Variants in SLCO3A1 observed in about 807,000 individuals in gnomAD.
SLCO3A1 encodes the protein solute carrier organic anion transporter family member 3A1, also known as PGE1 transporter.
Under a neutral mutation model 63.1 loss-of-function variants are expected in SLCO3A1, and 27 were observed. The observed-to-expected ratio is 0.43, with a 90% CI of 0.32 to 0.59. The LOEUF is 0.59. Among genes scored for constraint, SLCO3A1 ranks in the 20% least tolerant of loss-of-function variants. The probability of loss-of-function intolerance (pLI) is 0.09; values close to 1 mark genes in which losing one functional copy is unlikely to be tolerated. For missense variants in SLCO3A1, 773 were observed against 945.8 expected, an observed-to-expected ratio of 0.82 and a Z score of 2.40; for synonymous variants, 473 against 409.9, an observed-to-expected ratio of 1.15 and a Z score of -1.86.
intron 4 of SLCO3A1, among the ~76,000 whole-genome samples, chr15:92,107,599 T>A (rs2047681472): frequency 6.6e-6 from 1 of 152,208 alleles, no homozygotes; most frequent in African/African-American, 2.4e-5. Flanking sequence ...CTGACATTGC[T>A]CCTAAAACCC....
chr15:91,946,619 T>C (rs1899815712), intron 2 of SLCO3A1, among the ~76,000 whole-genome samples: 2 of 152,192 alleles, frequency 1.3e-5, no homozygotes, highest in South Asian at 2.1e-4. Flanking sequence ...AGTGAAAAAA[T>C]AGGACTTCGT....
chr15:91,911,053 G>T (rs1232371452), intron 1 of SLCO3A1, among the ~76,000 whole-genome samples: 1 of 152,192 alleles, frequency 6.6e-6, no homozygotes, highest in African/African-American at 2.4e-5. Context: ...TGAATACTTG[G>T]CCGTGGCCTC....
intron 1 of SLCO3A1, among the ~76,000 whole-genome samples, chr15:91,866,161 T>G (rs1897159625): frequency 6.6e-6 from 1 of 152,234 alleles, no homozygotes. Context: ...TTCCTGGGCC[T>G]AGCCGAATGC....
rs149735220 is a variant in SLCO3A1 at position 92,048,216 on chromosome 15, T to C, written c.647-46665T>C. Among the ~76,000 whole-genome samples the C allele has an allele frequency of 1.9e-3, 294 of 152,262 alleles. 3 individuals carry two copies. The highest frequency in any genetic ancestry group is 6.9e-3 in the African/African-American group (285 of 41,546). On this transcript the variant is annotated intron_variant, in intron 2 of 9. Coordinates refer to ENST00000318445, the MANE Select transcript of SLCO3A1 (RefSeq NM_013272.4). ...CACATTTTACTATTGCCTGGACTTA[T>C]TCTGCCATCCCTACCCCAAACATCA...
chr15:92,142,751 TA>T (rs1207144618), intron 7 of SLCO3A1, among the ~76,000 whole-genome samples: 2 of 152,174 alleles, frequency 1.3e-5, no homozygotes, highest in African/African-American at 4.8e-5. Flanking sequence ...GTGCCAGCTG[TA>T]GCCTGAGATA....
intron 2 of SLCO3A1, among the ~76,000 whole-genome samples, chr15:92,067,184 C>T (rs2047161820): frequency 6.7e-6 from 1 of 149,312 alleles, no homozygotes; most frequent in South Asian, 2.2e-4. Context: ...CTCCCTCAGG[C>T]CAAGGGAATA....
Position 92,086,115 on chromosome 15 carries a change from T to G in SLCO3A1, c.647-8766T>G, listed in dbSNP as rs547678141. The stretch of plus-strand genomic sequence containing the variant: ...ATTCTTGGATGCTTCTCCAAGAATG[T>G]GCAGTCCGTCAGCACACTTGCTGTG... On this transcript the variant is annotated intron_variant, in intron 2 of 9. Transcript: ENST00000318445. 3.9e-5 allele frequency among the ~76,000 whole-genome samples: 6 copies of G among 152,352 alleles called. No homozygotes were observed. In the South Asian group the frequency reaches 1.2e-3, roughly 32 times the overall value.
In SLCO3A1 at chr15:91,869,820, T is replaced by A. The variant is rs117757150; in HGVS notation, c.180+15732T>A. ...GCAGTTTGGATTGGAAAACTCTGTT[T>A]GTGTCCAGATTCAGGCTTCTTTTCA... is the stretch of plus-strand genomic sequence containing the variant. On this transcript the variant is annotated intron_variant, in intron 1 of 9. Coordinates refer to ENST00000318445, the MANE Select transcript of SLCO3A1 (RefSeq NM_013272.4). 5.6e-3 allele frequency among the ~76,000 whole-genome samples: 857 copies of A among 152,326 alleles called. 5 individuals carry two copies. Among genetic ancestry groups the A allele is most frequent in the Non-Finnish European group, 8.6e-3 (583 of 68,032 alleles).
chr15:91,976,417 C>A (rs543321465), intron 2 of SLCO3A1, among the ~76,000 whole-genome samples: 1 of 152,082 alleles, frequency 6.6e-6, no homozygotes, highest in East Asian at 1.9e-4. Context: ...AAATGTACAG[C>A]GTATTTTACT....
At chr15:92,040,941 T>C (rs2046789497) in intron 2 of SLCO3A1, among the ~76,000 whole-genome samples, 1 of 152,204 alleles carries the variant, frequency 6.6e-6, no homozygotes, top group Admixed American at 6.5e-5. Flanking sequence ...TTGATTCGGT[T>C]TGAGCAATCC....
intron 1 of SLCO3A1, among the ~76,000 whole-genome samples, chr15:91,901,132 A>G (rs891979316): frequency 1.3e-5 from 2 of 151,664 alleles, no homozygotes; most frequent in South Asian, 2.1e-4. Context: ...TTTCATTTCA[A>G]TTCCTTTTCC....
chr15:92,108,309 C>G (rs899625725), intron 4 of SLCO3A1, among the ~76,000 whole-genome samples: 1 of 152,352 alleles, frequency 6.6e-6, no homozygotes, highest in East Asian at 1.9e-4. Flanking sequence ...CACCAAATAA[C>G]TTTTCCTTTA....
chr15:92,070,744 C>T (rs9989291), intron 2 of SLCO3A1, among the ~76,000 whole-genome samples: 100,413 of 151,450 alleles, frequency 0.66, 33,700 homozygotes, highest in Admixed American at 0.8. Flanking sequence ...AGATGGAACC[C>T]TGACTGTGAG....
chr15:92,018,557 G>A (rs1597226247), intron 2 of SLCO3A1, among the ~76,000 whole-genome samples: 1 of 152,330 alleles, frequency 6.6e-6, no homozygotes, highest in African/African-American at 2.4e-5. Context: ...TTCAGAGCCA[G>A]GTTTCATTCA....
intron 2 of SLCO3A1, among the ~76,000 whole-genome samples, chr15:91,982,412 A>T (rs2045999288): frequency 6.6e-6 from 1 of 152,234 alleles, no homozygotes; most frequent in Admixed American, 6.5e-5. Context: ...TTGCTATAAG[A>T]GCTAATTAAA....
chr15:91,923,415 A>T (rs1310642775), intron 2 of SLCO3A1, among the ~76,000 whole-genome samples: 3 of 152,228 alleles, frequency 2.0e-5, no homozygotes, highest in Non-Finnish European at 2.9e-5. Context: ...TTAAACCAGC[A>T]GCGCTCTTCT....
intron 3 of SLCO3A1, among the ~76,000 whole-genome samples, chr15:92,096,499 A>C (rs1230416447): frequency 1.3e-5 from 2 of 152,106 alleles, no homozygotes; most frequent in African/African-American, 4.8e-5. Flanking sequence ...TCTGAAAAGG[A>C]ACACTATATT....
intron 4 of SLCO3A1, among the ~76,000 whole-genome samples, chr15:92,113,019 G>A (rs974209850): frequency 2.4e-4 from 37 of 152,186 alleles, no homozygotes; most frequent in African/African-American, 8.7e-4. Context: ...CTTAGGGGCT[G>A]GCCTGGAGTA....
chr15:91,964,452 G>A, intron 2 of SLCO3A1, among the ~76,000 whole-genome samples: 1 of 151,884 alleles, frequency 6.6e-6, no homozygotes, highest in Admixed American at 6.6e-5. Context: ...TTATGCTCAG[G>A]TGACTCCAGA....
Sources: gnomAD v4.1 joint callset for allele counts (sites outside exome capture counted in the v4.1 genomes callset) on GRCh38, gnomAD v4.1.1 for gene constraint, MANE v1.5 for transcripts, NCBI Gene and HGNC (gene_info 2026-07-23, HGNC 2026-07-21) for gene names.